EVI5: variants seen among roughly 807,000 people sequenced by gnomAD.
EVI5 encodes the protein ecotropic viral integration site 5 protein homolog.
EVI5 carries 73 observed loss-of-function variants against 112.0 expected under a neutral mutation model. The observed-to-expected ratio is 0.65, with a 90% CI of 0.54 to 0.79. EVI5 has a LOEUF of 0.79. Ranked by LOEUF, EVI5 falls within the 30% of genes least tolerant of loss-of-function variation. The probability of loss-of-function intolerance (pLI) is 0.00; values close to 1 mark genes in which losing one functional copy is unlikely to be tolerated. For synonymous variants in EVI5, 305 were observed against 319.9 expected, an observed-to-expected ratio of 0.95 and a Z score of 0.50; for missense variants, 900 against 968.8, an observed-to-expected ratio of 0.93 and a Z score of 0.94.
chr1:92,553,509 G>A (rs1360997064), intron 19 of EVI5, among the ~76,000 whole-genome samples: 2 of 151,472 alleles, frequency 1.3e-5, no homozygotes, highest in Non-Finnish European at 2.9e-5. Flanking sequence ...CTCCATGTTG[G>A]TCAGGCTGTT....
chr1:92,634,977 G>A (rs575975950), intron 14 of EVI5, among the ~76,000 whole-genome samples: 1 of 152,326 alleles, frequency 6.6e-6, no homozygotes, highest in Admixed American at 6.5e-5. Flanking sequence ...ATCAGCAGCG[G>A]AGGCTGCAGA....
chr1:92,591,026 A>G (rs1053608987), intron 18 of EVI5, among the ~76,000 whole-genome samples: 3 of 152,160 alleles, frequency 2.0e-5, no homozygotes, highest in African/African-American at 4.8e-5. Flanking sequence ...CTGCATAAGT[A>G]AAGGAGAAAT....
chr1:92,624,126 C>T, intron 16 of EVI5, 50 bp downstream of exon 16: 3 of 1,480,838 alleles, frequency 2.0e-6, no homozygotes, highest in Non-Finnish European at 2.8e-6. Context: ...TGCACAAACC[C>T]TTGATCAGCT....
At chr1:92,721,905 T>C (rs1570587401) in intron 2 of EVI5, among the ~76,000 whole-genome samples, 1 of 152,182 alleles carries the variant, frequency 6.6e-6, no homozygotes, top group Admixed American at 6.6e-5. Context: ...ACAAAATCTA[T>C]ACCAGAAGTT....
chr1:92,778,939 T>C (rs748027536), intron 1 of EVI5, among the ~76,000 whole-genome samples: 2 of 152,228 alleles, frequency 1.3e-5, no homozygotes, highest in Non-Finnish European at 2.9e-5. Flanking sequence ...ACCTGGGACC[T>C]AGTCTCAGAG....
chr1:92,563,833 C>A, intron 18 of EVI5, 96 bp from the exon 19 acceptor site: 1 of 606,410 alleles, frequency 1.6e-6, no homozygotes, highest in Non-Finnish European at 3.0e-6. Flanking sequence ...TAGGCACATA[C>A]CCTTTAATCA....
chr1:92,647,679 C>G, intron 13 of EVI5: 1 of 285,008 alleles, frequency 3.5e-6, no homozygotes, highest in Non-Finnish European at 7.0e-6. Flanking sequence ...GGTCACCTAG[C>G]AAGAGGGAAG....
At chr1:92,514,135 G>A (rs1298936875) in intron 19 of EVI5, among the ~76,000 whole-genome samples, 165 bp from the exon 20 acceptor site, 1 of 151,822 alleles carries the variant, frequency 6.6e-6, no homozygotes, top group Non-Finnish European at 1.5e-5. Context: ...TATATATAAT[G>A]GGCTCATAAT....
intron 7 of EVI5, 27 bp from the exon 8 acceptor site, chr1:92,694,415 A>T: frequency 1.5e-6 from 2 of 1,299,878 alleles, no homozygotes; most frequent in Non-Finnish European, 2.2e-6. Flanking sequence ...AATAAATCCA[A>T]ATTTATGTTA....
chr1:92,663,828 C>T (rs142366690), intron 11 of EVI5, among the ~76,000 whole-genome samples: 1 of 152,234 alleles, frequency 6.6e-6, no homozygotes, highest in Non-Finnish European at 1.5e-5. Context: ...ATTGTAACTG[C>T]CAACTCCTCG....
At chr1:92,522,363 C>T (rs1294063299) in intron 19 of EVI5, among the ~76,000 whole-genome samples, 1 of 152,032 alleles carries the variant, frequency 6.6e-6, no homozygotes, top group Non-Finnish European at 1.5e-5. Context: ...CTTTGCCAGG[C>T]GTGGTGGCTC....
chr1:92,703,582 G>A lies in EVI5; in HGVS notation c.377C>T (p.Ala126Val). 6.3e-7 allele frequency: 1 copy of A among 1,592,500 alleles called. No homozygotes were observed. Among genetic ancestry groups the A allele is most frequent in the South Asian group, 1.2e-5 (1 of 86,010 alleles). ...ACTGCATAAAAGTTGCCAAACTATTGCTCTAAAGTGATGGGGTATCCCTTT... is the reference window on the plus strand; with the variant it reads ...ACTGCATAAAAGTTGCCAAACTATTACTCTAAAGTGATGGGGTATCCCTTT... ...VHKGIPHHFR[A>V]IVWQLLCSAQ... Residue 126 changes from alanine to valine, a missense_variant, in exon 4 of 20, where the codon GCA becomes GTA. Transcript: ENST00000684568.
chr1:92,734,286 ATG>A (rs1382899421), intron 2 of EVI5, among the ~76,000 whole-genome samples: 1 of 152,192 alleles, frequency 6.6e-6, no homozygotes, highest in Non-Finnish European at 1.5e-5. Context: ...GTTTGTATGA[ATG>A]TGTTACAAAT....
intron 19 of EVI5, among the ~76,000 whole-genome samples, chr1:92,558,842 A>T (rs1013568326): frequency 6.6e-5 from 10 of 151,692 alleles, no homozygotes; most frequent in Admixed American, 2.0e-4. Flanking sequence ...ATCTCTAAAA[A>T]AAAAAAAAAA....
intron 6 of EVI5, 35 bp downstream of exon 6, chr1:92,697,825 G>T: frequency 6.4e-7 from 1 of 1,565,720 alleles, no homozygotes; most frequent in Non-Finnish European, 8.7e-7. Flanking sequence ...AAAATATAAA[G>T]GCAATATGCC....
intron 16 of EVI5, among the ~76,000 whole-genome samples, chr1:92,615,487 T>C (rs768386413): frequency 8.5e-5 from 13 of 152,144 alleles, no homozygotes; most frequent in Admixed American, 5.2e-4. Flanking sequence ...AATGGGACCC[T>C]AAAACTTGGA....
chr1:92,761,839 T>A (rs1221869776), intron 1 of EVI5, among the ~76,000 whole-genome samples: 1 of 152,252 alleles, frequency 6.6e-6, no homozygotes, highest in Non-Finnish European at 1.5e-5. Flanking sequence ...AGTACAAATG[T>A]AATACCTATC....
intron 2 of EVI5, among the ~76,000 whole-genome samples, chr1:92,725,364 C>T (rs1570606249): frequency 1.3e-5 from 2 of 152,120 alleles, no homozygotes; most frequent in Non-Finnish European, 2.9e-5. Flanking sequence ...GAATAATAGT[C>T]CTAGGTTCTG....
chr1:92,553,551 T>G (rs1437460245), intron 19 of EVI5, among the ~76,000 whole-genome samples: 1 of 152,104 alleles, frequency 6.6e-6, no homozygotes, highest in Non-Finnish European at 1.5e-5. Flanking sequence ...TCCCTCTGCC[T>G]CGGCCTCCCA....
Sources: allele counts gnomAD v4.1 joint callset (sites outside exome capture counted in the v4.1 genomes callset), GRCh38; gene constraint gnomAD v4.1.1; transcripts MANE v1.5; gene names NCBI Gene and HGNC (gene_info 2026-07-23, HGNC 2026-07-21).